Variants in DESI2 observed in about 807,000 individuals in gnomAD.
DESI2 encodes the protein deubiquitinase DESI2.
DESI2 carries 10 observed loss-of-function variants against 24.1 expected under a neutral mutation model. That is an observed-to-expected ratio of 0.41 (90% confidence interval 0.26 to 0.70). The LOEUF (loss-of-function observed/expected upper bound fraction) is 0.70, where lower values mean the gene tolerates loss of function less well. DESI2 is among the 30% of genes least tolerant of loss of function. The pLI is 0.29. For missense variants in DESI2, 122 were observed against 234.9 expected, an observed-to-expected ratio of 0.52 and a Z score of 3.14; for synonymous variants, 71 against 87.7, an observed-to-expected ratio of 0.81 and a Z score of 1.06.
chr1:244,670,242 C>T (rs982836449), intron 1 of DESI2, among the ~76,000 whole-genome samples: 1 of 152,208 alleles, frequency 6.6e-6, no homozygotes, highest in Non-Finnish European at 1.5e-5. Flanking sequence ...CAGGCATGTG[C>T]CACCACACCC....
chr1:244,684,758 C>CT (rs1676754947), intron 1 of DESI2, among the ~76,000 whole-genome samples: 1 of 152,136 alleles, frequency 6.6e-6, no homozygotes, highest in South Asian at 2.1e-4. Context: ...TGGGACATGG[C>CT]TTTGCATATG....
At chr1:244,693,302 C>T (rs1399971901) in intron 4 of DESI2, among the ~76,000 whole-genome samples, 2 of 152,174 alleles carry the variant, frequency 1.3e-5, no homozygotes, top group African/African-American at 4.8e-5. Context: ...TCTATACCAC[C>T]ACATCAGCCC....
intron 1 of DESI2, among the ~76,000 whole-genome samples, chr1:244,660,516 G>A (rs772940499): frequency 6.6e-6 from 1 of 152,076 alleles, no homozygotes; most frequent in Admixed American, 6.6e-5. Flanking sequence ...GTTGACTGTC[G>A]AATTCTCTAC....
At chr1:244,703,848 T>G (rs551602537) in intron 4 of DESI2, among the ~76,000 whole-genome samples, 2 of 151,966 alleles carry the variant, frequency 1.3e-5, no homozygotes, top group Non-Finnish European at 2.9e-5. Flanking sequence ...TTAGTAGAGA[T>G]GGGGTTTCAC....
intron 4 of DESI2, among the ~76,000 whole-genome samples, chr1:244,704,334 G>C (rs555395156): frequency 6.6e-6 from 1 of 152,326 alleles, no homozygotes; most frequent in Non-Finnish European, 1.5e-5. Context: ...CAAAGTGGCA[G>C]TGGGGCATGA....
chr1:244,653,320 G>A lies in DESI2; in HGVS notation c.7G>A (p.Ala3Thr). The change falls in exon 1 of 5, where the codon GCT becomes ACT. Residue 3 changes from alanine to threonine, a missense_variant. Transcript: ENST00000302550. MGANQLVVLNVYD... is the reference protein window; with the variant it reads MGTNQLVVLNVYD... ...GGCGGCCGCGGGGAGGAGGATGGGG[G>A]CTAACCAGTTAGTGGTGCTCAACGT... is the stretch of plus-strand genomic sequence containing the variant. The A allele has an allele frequency of 2.6e-6, 4 of 1,518,378 alleles. No individual in the cohort carries two copies. The African/African-American group carries it at 4.4e-5, about 17-fold the overall frequency. 94.1% of individuals were successfully genotyped at this position (1,518,378 alleles called of 1,614,324 possible).
At chr1:244,685,977 A>G (rs376006947) in intron 1 of DESI2, among the ~76,000 whole-genome samples, 6 of 152,282 alleles carry the variant, frequency 3.9e-5, no homozygotes, top group Admixed American at 6.5e-5. Flanking sequence ...TTACTGGGAA[A>G]TCTGATTTGT....
chr1:244,663,127 A>G (rs1675903453), intron 1 of DESI2, among the ~76,000 whole-genome samples: 1 of 152,172 alleles, frequency 6.6e-6, no homozygotes, highest in Admixed American at 6.5e-5. Context: ...ATCAAGTGAT[A>G]GGCAAAACTT....
chr1:244,674,947 A>T (rs908170572), intron 1 of DESI2, among the ~76,000 whole-genome samples: 1 of 152,190 alleles, frequency 6.6e-6, no homozygotes, highest in Non-Finnish European at 1.5e-5. Flanking sequence ...CTGTTTTCCA[A>T]GGCAGCTGTA....
intron 4 of DESI2, among the ~76,000 whole-genome samples, chr1:244,697,492 A>G (rs1255486242): frequency 6.8e-6 from 1 of 146,444 alleles, no homozygotes; most frequent in African/African-American, 2.5e-5. Context: ...AAAAAAAAAA[A>G]AGGACTGAGA....
At chr1:244,659,886 G>A (rs1315428234) in intron 1 of DESI2, among the ~76,000 whole-genome samples, 5 of 152,138 alleles carry the variant, frequency 3.3e-5, no homozygotes, top group African/African-American at 1.2e-4. Flanking sequence ...ACTCGACTTG[G>A]CATAGAATAA....
rs187293204 is a variant in DESI2, at chr1:244,691,903, G to A, written c.234G>A (p.Thr78=). The A allele has an allele frequency of 1.2e-4, 195 of 1,583,480 alleles. No individual in the cohort carries two copies. Among genetic ancestry groups the A allele is most frequent in the African/African-American group, 1.9e-4 (14 of 73,132 alleles). Reference sequence around the variant, plus strand: ...GAGAAGCTGTTGTTTTAGGGAGCACGGACTTCCTAGAAGATGATATAGAAA... The same window carrying A: ...GAGAAGCTGTTGTTTTAGGGAGCACAGACTTCCTAGAAGATGATATAGAAA... ...KFKEAVVLGS[T]DFLEDDIEKI... The change falls in exon 4 of 5, where the codon ACG becomes ACA. Residue 78 remains threonine (T), a synonymous_variant. Transcript: ENST00000302550.
At chr1:244,660,178 T>G (rs1447177459) in intron 1 of DESI2, among the ~76,000 whole-genome samples, 1 of 152,190 alleles carries the variant, frequency 6.6e-6, no homozygotes, top group Non-Finnish European at 1.5e-5. Flanking sequence ...GTTTTGTTGT[T>G]GTTGTTGTTG....
chr1:244,697,069 C>T (rs1416213630), intron 4 of DESI2, among the ~76,000 whole-genome samples: 1 of 152,004 alleles, frequency 6.6e-6, no homozygotes, highest in African/African-American at 2.4e-5. Flanking sequence ...TGGACTTTGC[C>T]CCAAGTATAT....
At chr1:244,702,002 A>T (rs1338266393) in intron 4 of DESI2, among the ~76,000 whole-genome samples, 1 of 152,222 alleles carries the variant, frequency 6.6e-6, no homozygotes, top group Non-Finnish European at 1.5e-5. Context: ...GCTGGATTGG[A>T]GCTTAAATGC....
intron 4 of DESI2, among the ~76,000 whole-genome samples, chr1:244,695,601 A>G (rs1198878867): frequency 6.6e-6 from 1 of 152,206 alleles, no homozygotes; most frequent in Admixed American, 6.5e-5. Flanking sequence ...TGCAGTGAGC[A>G]GAGATGGTGC....
At position 244,668,846 on chromosome 1, in the gene DESI2, G is replaced by C. The variant is rs1676139144; in HGVS notation, c.42+15491G>C. On this transcript the variant is annotated intron_variant, in intron 1 of 4. Transcript: ENST00000302550. ...ATAATGAATGAAAATATTTAGGCCAGTTTTTTCCATTGAGGCAAGATTGAG... is the reference window on the plus strand; with the variant it reads ...ATAATGAATGAAAATATTTAGGCCACTTTTTTCCATTGAGGCAAGATTGAG... Among the ~76,000 whole-genome samples, 3 of 152,140 alleles carry C rather than the reference G, an allele frequency of 2.0e-5. No homozygotes were observed. The South Asian group carries it at 6.2e-4, about 32-fold the overall frequency.
intron 1 of DESI2, among the ~76,000 whole-genome samples, chr1:244,662,269 A>G (rs1380713425): frequency 2.0e-5 from 3 of 152,090 alleles, no homozygotes; most frequent in African/African-American, 2.4e-5. Context: ...TTTTTTCTAA[A>G]TCAAGCTAAT....
chr1:244,705,502 G>A, intron 4 of DESI2, 54 bp from the exon 5 acceptor site: 2 of 1,492,678 alleles, frequency 1.3e-6, no homozygotes. Context: ...CCTGGCAGTG[G>A]ACCAGGTAAT....
Sources: allele counts gnomAD v4.1 joint callset (sites outside exome capture counted in the v4.1 genomes callset), GRCh38; gene constraint gnomAD v4.1.1; transcripts MANE v1.5; gene names NCBI Gene and HGNC (gene_info 2026-07-23, HGNC 2026-07-21).